SORCS3: variants seen among roughly 807,000 people sequenced by gnomAD.
SORCS3 encodes the protein sortilin related VPS10 domain containing receptor 3.
SORCS3 carries 57 observed loss-of-function variants against 146.3 expected under a neutral mutation model. The ratio of observed to expected loss-of-function variants is 0.39; its 90% CI spans 0.31 to 0.49. The LOEUF is 0.49. Ranked by LOEUF, SORCS3 falls within the 20% of genes least tolerant of loss-of-function variation. SORCS3 has a pLI of 0.92. For missense variants in SORCS3, 1,341 were observed against 1,575.5 expected (o/e 0.85, Z 2.52); for synonymous variants, 653 against 618.5 (o/e 1.06, Z -0.83).
At chr10:104,807,234 C>T (rs761494826) in intron 1 of SORCS3, among the ~76,000 whole-genome samples, 26 of 151,876 alleles carry the variant, frequency 1.7e-4, no homozygotes, top group Non-Finnish European at 3.2e-4. Flanking sequence ...TGCATGCGTG[C>T]GCATGCACAT....
intron 1 of SORCS3, among the ~76,000 whole-genome samples, chr10:104,746,303 A>AT (rs1427808547): frequency 6.6e-6 from 1 of 151,856 alleles, no homozygotes; most frequent in Non-Finnish European, 1.5e-5. Context: ...CGCCTGGCTA[A>AT]TTTTTTGTAT....
chr10:104,895,475 G>A (rs990633851), intron 2 of SORCS3, among the ~76,000 whole-genome samples: 3 of 152,126 alleles, frequency 2.0e-5, no homozygotes, highest in East Asian at 3.9e-4. Flanking sequence ...AGAGACTTGC[G>A]TGCACTTTGC....
At chr10:105,037,524 T>G (rs1200835562) in intron 4 of SORCS3, among the ~76,000 whole-genome samples, 1 of 152,190 alleles carries the variant, frequency 6.6e-6, no homozygotes, top group Non-Finnish European at 1.5e-5. Flanking sequence ...AGAAAACATG[T>G]CTTAAGCCAT....
chr10:104,997,210 C>T (rs1337133965), intron 4 of SORCS3, among the ~76,000 whole-genome samples: 1 of 152,128 alleles, frequency 6.6e-6, no homozygotes, highest in Non-Finnish European at 1.5e-5. Flanking sequence ...ATTATGTAGA[C>T]AGGAAACTAT....
chr10:104,957,172 T>C (rs2019503507), intron 3 of SORCS3, among the ~76,000 whole-genome samples: 2 of 152,008 alleles, frequency 1.3e-5, no homozygotes, highest in East Asian at 3.9e-4. Context: ...GTGCGGGAAG[T>C]GAAGAAAGCA....
At chr10:105,144,412 A>G (rs2056116807) in intron 8 of SORCS3, among the ~76,000 whole-genome samples, 1 of 152,158 alleles carries the variant, frequency 6.6e-6, no homozygotes, top group South Asian at 2.1e-4. Context: ...GCAGATGCTT[A>G]ATAACATGGG....
chr10:105,079,069 A>G (rs889646200), intron 5 of SORCS3, among the ~76,000 whole-genome samples: 1 of 152,176 alleles, frequency 6.6e-6, no homozygotes, highest in African/African-American at 2.4e-5. Context: ...CAAAGTGTGA[A>G]TCTTGACCAT....
At chr10:104,695,308 G>GTCCC (rs1377526335) in intron 1 of SORCS3, among the ~76,000 whole-genome samples, 1 of 151,890 alleles carries the variant, frequency 6.6e-6, no homozygotes, top group Admixed American at 6.6e-5. Context: ...GTGTGTGTGT[G>GTCCC]TCCCTAAGGA....
intron 4 of SORCS3, among the ~76,000 whole-genome samples, chr10:105,013,543 T>G (rs2055147451): frequency 2.0e-5 from 3 of 152,140 alleles, no homozygotes; most frequent in Admixed American, 6.6e-5. Flanking sequence ...TCCCCAGCAA[T>G]AATGAGTTAG....
intron 7 of SORCS3, among the ~76,000 whole-genome samples, chr10:105,133,949 C>G (rs751668768): frequency 2.0e-5 from 3 of 152,108 alleles, no homozygotes; most frequent in Non-Finnish European, 2.9e-5. Flanking sequence ...CAGAGTGAGA[C>G]CCTGTCTCAC....
At chr10:105,139,275 G>T in intron 7 of SORCS3, 122 bp from the exon 8 acceptor site, 2 of 751,326 alleles carry the variant, frequency 2.7e-6, no homozygotes, top group South Asian at 3.4e-5. Flanking sequence ...AAGCCAGCAA[G>T]GAATATTCTC....
chr10:104,676,672 A>G (rs1240078599), intron 1 of SORCS3, among the ~76,000 whole-genome samples: 1 of 152,222 alleles, frequency 6.6e-6, no homozygotes. Flanking sequence ...TACTGCACTC[A>G]GAGGAAGAGT....
At chr10:104,732,038 A>G (rs2016712197) in intron 1 of SORCS3, among the ~76,000 whole-genome samples, 1 of 152,212 alleles carries the variant, frequency 6.6e-6, no homozygotes, top group South Asian at 2.1e-4. Context: ...GGAATAAATG[A>G]GATTATGGAC....
At chr10:104,647,728 GT>G (rs2015511661) in intron 1 of SORCS3, among the ~76,000 whole-genome samples, 1 of 152,174 alleles carries the variant, frequency 6.6e-6, no homozygotes, top group African/African-American at 2.4e-5. Flanking sequence ...TAACTAACAG[GT>G]TAACACTGTC....
At chr10:105,052,703 A>C (rs1443273463) in intron 5 of SORCS3, among the ~76,000 whole-genome samples, 1 of 152,130 alleles carries the variant, frequency 6.6e-6, no homozygotes, top group Non-Finnish European at 1.5e-5. Flanking sequence ...TTCCATGAGC[A>C]GGAATAGGAG....
At chr10:105,132,136 A>G (rs1014235538) in intron 7 of SORCS3, among the ~76,000 whole-genome samples, 1 of 152,090 alleles carries the variant, frequency 6.6e-6, no homozygotes, top group East Asian at 1.9e-4. Flanking sequence ...CAGCTCCACC[A>G]TTTATTTGTT....
At chr10:104,963,194 A>G (rs1224045078) in intron 3 of SORCS3, among the ~76,000 whole-genome samples, 3 of 152,204 alleles carry the variant, frequency 2.0e-5, no homozygotes, top group Non-Finnish European at 2.9e-5. Flanking sequence ...AAGACAATTT[A>G]CAGGGTTAAA....
intron 5 of SORCS3, among the ~76,000 whole-genome samples, chr10:105,053,143 C>G (rs1401525787): frequency 6.6e-6 from 1 of 152,050 alleles, no homozygotes. Context: ...GGGCACTAAT[C>G]ACATTATGAG....
At chr10:104,692,992 A>G (rs1258032655) in intron 1 of SORCS3, among the ~76,000 whole-genome samples, 1 of 152,182 alleles carries the variant, frequency 6.6e-6, no homozygotes, top group Non-Finnish European at 1.5e-5. Context: ...TTTTGATGGG[A>G]GTCCGTTGGG....
Sources: gnomAD v4.1 joint callset for allele counts (sites outside exome capture counted in the v4.1 genomes callset) on GRCh38, gnomAD v4.1.1 for gene constraint, MANE v1.5 for transcripts, NCBI Gene and HGNC (gene_info 2026-07-23, HGNC 2026-07-21) for gene names.